The following ASCC1 variants were observed in gnomAD, a reference collection of about 807,000 sequenced individuals.
ASCC1 encodes activating signal cointegrator 1 complex subunit 1, also known as ASC-1 complex subunit P50.
In ASCC1, 35 loss-of-function variants were observed where a neutral mutation model predicts 46.6. That is an observed-to-expected ratio of 0.75 (90% CI 0.57 to 0.99). The LOEUF is 0.99. Among genes scored for constraint, ASCC1 ranks in the 50% least tolerant of loss-of-function variants. ASCC1 has a pLI of 0.00. For missense variants in ASCC1, 376 were observed against 428.7 expected (o/e 0.88, Z 1.09); for synonymous variants, 143 against 146.6 (o/e 0.98, Z 0.18).
chr10:72,155,430 T>C (rs2132603448), intron 6 of ASCC1, among the ~76,000 whole-genome samples: 1 of 152,206 alleles, frequency 6.6e-6, no homozygotes, highest in Admixed American at 6.5e-5. Context: ...GAAAAAGGCA[T>C]GAGGGACCCT....
intron 6 of ASCC1, among the ~76,000 whole-genome samples, chr10:72,159,616 C>G (rs956044453): frequency 3.3e-5 from 5 of 152,070 alleles, no homozygotes; most frequent in Admixed American, 6.5e-5. Flanking sequence ...AACTGCCCTG[C>G]TTTGTAAAAT....
intron 5 of ASCC1, 82 bp downstream of exon 5, chr10:72,196,729 C>G (rs1456742849): frequency 1.5e-5 from 21 of 1,379,038 alleles, no homozygotes; most frequent in Non-Finnish European, 2.1e-5. Context: ...TTATAACTCC[C>G]TACTGTTTGA....
intron 5 of ASCC1, among the ~76,000 whole-genome samples, chr10:72,167,063 A>G (rs922205633): frequency 1.3e-5 from 2 of 152,198 alleles, no homozygotes; most frequent in Non-Finnish European, 2.9e-5. Context: ...ATTTACAAAA[A>G]TTCATACAAA....
At chr10:72,148,055 C>T (rs1847850635) in intron 7 of ASCC1, among the ~76,000 whole-genome samples, 1 of 152,060 alleles carries the variant, frequency 6.6e-6, no homozygotes, top group South Asian at 2.1e-4. Context: ...CTGCTGGCAC[C>T]CTAGCATGAA....
chr10:72,171,175 C>T (rs1397196410), intron 5 of ASCC1, among the ~76,000 whole-genome samples: 1 of 152,208 alleles, frequency 6.6e-6, no homozygotes, highest in African/African-American at 2.4e-5. Flanking sequence ...TATAAATTCT[C>T]TATTGGTGCT....
intron 7 of ASCC1, among the ~76,000 whole-genome samples, chr10:72,139,216 C>T (rs923054172): frequency 8.6e-5 from 13 of 150,392 alleles, no homozygotes; most frequent in Admixed American, 6.7e-4. Context: ...CAGGTTCAAG[C>T]GATTGTCCTG....
chr10:72,189,097 C>G (rs1442980198), intron 5 of ASCC1, among the ~76,000 whole-genome samples: 1 of 151,982 alleles, frequency 6.6e-6, no homozygotes, highest in African/African-American at 2.4e-5. Context: ...CCCAAGTAGG[C>G]TATAAAGATT....
intron 4 of ASCC1, among the ~76,000 whole-genome samples, chr10:72,201,152 TTGTGTG>T (rs138296521): frequency 3.3e-5 from 5 of 151,704 alleles, no homozygotes; most frequent in African/African-American, 1.2e-4. Context: ...GATTATTCTT[TTGTGTG>T]TGTGTGTATG....
intron 7 of ASCC1, among the ~76,000 whole-genome samples, chr10:72,152,305 C>T (rs751407557): frequency 3.3e-5 from 5 of 151,522 alleles, no homozygotes; most frequent in African/African-American, 9.7e-5. Context: ...GCTAGGATTA[C>T]GGGCGTGAGC....
At chr10:72,114,932 G>A (rs1220832042) in intron 9 of ASCC1, among the ~76,000 whole-genome samples, 2 of 152,138 alleles carry the variant, frequency 1.3e-5, no homozygotes, top group East Asian at 3.8e-4. Context: ...GAGCTGAGCT[G>A]TGTTTCAACA....
chr10:72,148,217 T>G (rs1268760290), intron 7 of ASCC1, among the ~76,000 whole-genome samples: 1 of 152,174 alleles, frequency 6.6e-6, no homozygotes, highest in East Asian at 1.9e-4. Context: ...ATATCCTGTG[T>G]GATGAAACTG....
chr10:72,107,307 C>CA (rs972524517), intron 9 of ASCC1, among the ~76,000 whole-genome samples: 14 of 148,172 alleles, frequency 9.4e-5, no homozygotes, highest in Non-Finnish European at 1.9e-4. Flanking sequence ...AAGTTACCCC[C>CA]CCCCCAAAAA....
chr10:72,164,853 T>C (rs11000198), intron 5 of ASCC1, among the ~76,000 whole-genome samples: 20,013 of 152,236 alleles, frequency 0.13, 4,163 homozygotes, highest in African/African-American at 0.44. Flanking sequence ...ATTGTGGTTT[T>C]GACTTGCATT....
At chr10:72,181,572 CT>C (rs993534457) in intron 5 of ASCC1, among the ~76,000 whole-genome samples, 8 of 148,980 alleles carry the variant, frequency 5.4e-5, no homozygotes, top group Non-Finnish European at 5.9e-5. Flanking sequence ...TAATTTTTTT[CT>C]TTTTTTTTCA....
At chr10:72,187,868 G>A (rs937158560) in intron 5 of ASCC1, among the ~76,000 whole-genome samples, 4 of 151,104 alleles carry the variant, frequency 2.6e-5, no homozygotes, top group Non-Finnish European at 4.4e-5. Context: ...CAGGAGAATC[G>A]CTTGAACCCA....
intron 7 of ASCC1, among the ~76,000 whole-genome samples, chr10:72,145,941 C>T (rs1055140775): frequency 2.6e-5 from 4 of 152,212 alleles, no homozygotes; most frequent in Non-Finnish European, 5.9e-5. Context: ...CTAAACCCTG[C>T]CTGTTCTGCA....
At chr10:72,097,719 G>A (rs1319649810) in intron 9 of ASCC1, among the ~76,000 whole-genome samples, 3 of 152,156 alleles carry the variant, frequency 2.0e-5, no homozygotes, top group South Asian at 2.1e-4. Context: ...AGTCAAATCC[G>A]AAATTCATCT....
chr10:72,139,945 T>C (rs1397938151), intron 7 of ASCC1, among the ~76,000 whole-genome samples: 1 of 152,206 alleles, frequency 6.6e-6, no homozygotes, highest in Non-Finnish European at 1.5e-5. Context: ...TAAAGTAGAT[T>C]TTGGTAATAA....
chr10:72,171,586 C>A (rs1198369977), intron 5 of ASCC1, among the ~76,000 whole-genome samples: 1 of 152,166 alleles, frequency 6.6e-6, no homozygotes, highest in Non-Finnish European at 1.5e-5. Flanking sequence ...GCCACCATGT[C>A]CAGCTAATTT....
Sources: gnomAD v4.1 joint callset for allele counts (sites outside exome capture counted in the v4.1 genomes callset) on GRCh38, gnomAD v4.1.1 for gene constraint, MANE v1.5 for transcripts, NCBI Gene and HGNC (gene_info 2026-07-23, HGNC 2026-07-21) for gene names.